The following TPTE variants were observed in gnomAD, a reference collection of about 807,000 sequenced individuals.
The protein encoded by TPTE is transmembrane phosphatase with tensin homology.
In TPTE, 59 loss-of-function variants were observed where a neutral mutation model predicts 84.1. The ratio of observed to expected loss-of-function variants is 0.70; its 90% CI spans 0.57 to 0.87. The LOEUF (loss-of-function observed/expected upper bound fraction) is 0.87, where lower values mean the gene tolerates loss of function less well. TPTE is among the 40% of genes least tolerant of loss of function. TPTE has a pLI of 0.00. For missense variants in TPTE, 382 were observed against 659.6 expected, an observed-to-expected ratio of 0.58 and a Z score of 4.61; for synonymous variants, 130 against 223.5, an observed-to-expected ratio of 0.58 and a Z score of 3.73.
chr21:10,525,563 G>C (rs1478734213), intron 2 of TPTE, among the ~76,000 whole-genome samples: 1 of 152,310 alleles, frequency 6.6e-6, no homozygotes, highest in Non-Finnish European at 1.5e-5. Context: ...GGCAGATTTG[G>C]TCGGAGACCT....
intron 7 of TPTE, among the ~76,000 whole-genome samples, chr21:10,544,486 G>A (rs1458137986): frequency 6.6e-6 from 1 of 152,310 alleles, no homozygotes; most frequent in East Asian, 1.9e-4. Context: ...CCGGGTTCAA[G>A]TGATTTTCCT....
intron 6 of TPTE, among the ~76,000 whole-genome samples, chr21:10,542,656 A>G (rs995595741): frequency 7.2e-5 from 11 of 152,298 alleles, no homozygotes; most frequent in Admixed American, 6.5e-4. Flanking sequence ...AAACTAATCC[A>G]TGCACATGAT....
At chr21:10,556,311 C>T (rs1288195685) in intron 8 of TPTE, among the ~76,000 whole-genome samples, 9 of 152,302 alleles carry the variant, frequency 5.9e-5, no homozygotes, top group East Asian at 1.9e-4. Context: ...TCTGACCTTG[C>T]GGTAGCTTGC....
chr21:10,545,584 C>A (rs2074450196), intron 7 of TPTE, among the ~76,000 whole-genome samples: 1 of 152,302 alleles, frequency 6.6e-6, no homozygotes, highest in Non-Finnish European at 1.5e-5. Context: ...ATGGTGGTGT[C>A]ATTGAAAACT....
intron 14 of TPTE, among the ~76,000 whole-genome samples, chr21:10,577,005 TACAC>T (rs1264956633): frequency 4.6e-5 from 7 of 152,278 alleles, no homozygotes; most frequent in Admixed American, 1.3e-4. Context: ...CTATCACACA[TACAC>T]ACAATCATAC....
chr21:10,572,252 C>A (rs1379342524), intron 14 of TPTE, among the ~76,000 whole-genome samples: 1 of 152,302 alleles, frequency 6.6e-6, no homozygotes, highest in African/African-American at 2.4e-5. Flanking sequence ...GAGTTCAAGG[C>A]GAGCATGGCC....
intron 17 of TPTE, among the ~76,000 whole-genome samples, chr21:10,588,830 C>A (rs112740217): frequency 1.1e-3 from 173 of 151,902 alleles, no homozygotes; most frequent in African/African-American, 4.0e-3. Context: ...TTTGAAATTC[C>A]TTAGTGAGTT....
intron 9 of TPTE, among the ~76,000 whole-genome samples, chr21:10,560,367 A>C (rs955018899): frequency 2.0e-5 from 3 of 152,426 alleles, no homozygotes; most frequent in East Asian, 1.9e-4. Flanking sequence ...TTGAGCTGCA[A>C]GTTTTTAAAA....
chr21:10,559,904 T>G (rs2074761293), intron 9 of TPTE, among the ~76,000 whole-genome samples: 1 of 147,530 alleles, frequency 6.8e-6, no homozygotes. Flanking sequence ...GAAAAGAAAA[T>G]ATATGAGTCT....
intron 21 of TPTE, among the ~76,000 whole-genome samples, chr21:10,599,860 C>CT (rs59780138): frequency 0.19 from 24,243 of 128,928 alleles, no homozygotes; most frequent in Non-Finnish European, 0.26. Flanking sequence ...TCTTCCTTTC[C>CT]TTTTTTTTTT....
At chr21:10,586,210 C>A (rs1349801508) in intron 17 of TPTE, among the ~76,000 whole-genome samples, 1 of 152,290 alleles carries the variant, frequency 6.6e-6, no homozygotes, top group Non-Finnish European at 1.5e-5. Context: ...TACAAGTTTT[C>A]CTCTAAGAAT....
intron 1 of TPTE, among the ~76,000 whole-genome samples, chr21:10,522,807 A>G: frequency 1.3e-5 from 2 of 152,312 alleles, no homozygotes; most frequent in East Asian, 1.9e-4. Context: ...TTTACATTGC[A>G]TAATGATCAA....
intron 6 of TPTE, among the ~76,000 whole-genome samples, chr21:10,542,911 G>C (rs1181126553): frequency 6.6e-6 from 1 of 152,240 alleles, no homozygotes; most frequent in Non-Finnish European, 1.5e-5. Context: ...TTTTTTATGG[G>C]ACTCAGATTT....
intron 3 of TPTE, among the ~76,000 whole-genome samples, chr21:10,533,134 G>A (rs541396260): frequency 9.6e-4 from 146 of 152,366 alleles, no homozygotes; most frequent in South Asian, 1.9e-3. Flanking sequence ...TCTTTAGTAT[G>A]TTCTCTTTAT....
intron 10 of TPTE, among the ~76,000 whole-genome samples, chr21:10,561,692 G>A (rs1230489384): frequency 4.6e-5 from 7 of 152,302 alleles, no homozygotes; most frequent in Non-Finnish European, 7.3e-5. Flanking sequence ...TGCATCTTGT[G>A]GTTTGAGTGA....
chr21:10,582,608 C>A (rs1197715461), intron 17 of TPTE, among the ~76,000 whole-genome samples: 1 of 152,300 alleles, frequency 6.6e-6, no homozygotes, highest in Non-Finnish European at 1.5e-5. Flanking sequence ...ATATTTTATA[C>A]TTTTTTATCA....
At chr21:10,584,914 G>GTGTGTGTA (rs2075335926) in intron 17 of TPTE, among the ~76,000 whole-genome samples, 2 of 152,050 alleles carry the variant, frequency 1.3e-5, no homozygotes, top group African/African-American at 4.8e-5. Flanking sequence ...GTGTGTGTGT[G>GTGTGTGTA]TATTAGTGAC....
chr21:10,549,950 A>T (rs1429752942), intron 7 of TPTE, among the ~76,000 whole-genome samples: 1 of 152,308 alleles, frequency 6.6e-6, no homozygotes, highest in Non-Finnish European at 1.5e-5. Flanking sequence ...TGGAATCCCC[A>T]TTAGACTAAC....
At chr21:10,591,854 G>A (rs562035588) in intron 18 of TPTE, among the ~76,000 whole-genome samples, 42 of 152,344 alleles carry the variant, frequency 2.8e-4, no homozygotes, top group African/African-American at 8.7e-4. Flanking sequence ...TGTTATTTTC[G>A]GTAGCCTCTG....
Sources: allele counts gnomAD v4.1 joint callset (sites outside exome capture counted in the v4.1 genomes callset), GRCh38; gene constraint gnomAD v4.1.1; transcripts MANE v1.5; gene names NCBI Gene and HGNC (gene_info 2026-07-23, HGNC 2026-07-21).